The following KAZN variants were observed in gnomAD, a reference collection of about 807,000 sequenced individuals.
KAZN encodes kazrin.
A neutral mutation model predicts 87.4 loss-of-function variants in KAZN; 40 were observed. The ratio of observed to expected loss-of-function variants is 0.46; its 90% confidence interval spans 0.36 to 0.60. The LOEUF is 0.60. Among genes scored for constraint, KAZN ranks in the 20% least tolerant of loss-of-function variants. The pLI, the probability that KAZN is intolerant of heterozygous loss-of-function variation, is 0.00. For synonymous variants in KAZN, 466 were observed against 458.3 expected (o/e 1.02, Z -0.22); for missense variants, 898 against 1,073.9 (o/e 0.84, Z 2.29).
chr1:13,965,476 T>G (rs1641909773), intron 1 of KAZN, among the ~76,000 whole-genome samples: 1 of 152,162 alleles, frequency 6.6e-6, no homozygotes, highest in Admixed American at 6.5e-5. Flanking sequence ...AGGTGGGTGC[T>G]TTTAATAATT....
At chr1:15,035,894 T>C (rs1025955444) in intron 3 of KAZN, among the ~76,000 whole-genome samples, 2 of 152,036 alleles carry the variant, frequency 1.3e-5, no homozygotes, top group African/African-American at 4.8e-5. Flanking sequence ...GGTGTTCAGC[T>C]CGAGGCCCCT....
intron 1 of KAZN, among the ~76,000 whole-genome samples, chr1:14,674,010 C>T (rs918415670): frequency 4.6e-5 from 7 of 152,108 alleles, no homozygotes; most frequent in African/African-American, 9.7e-5. Context: ...TTTGTAAGCA[C>T]GTTGAAATTC....
intron 2 of KAZN, chr1:14,222,962 A>T (rs1036932253): frequency 1.3e-5 from 2 of 152,176 alleles, no homozygotes; most frequent in Admixed American, 6.6e-5. Flanking sequence ...TTTTAAATAG[A>T]TAGGTTTAAA....
At chr1:14,904,123 C>G (rs1288949725) in intron 1 of KAZN, among the ~76,000 whole-genome samples, 1 of 152,116 alleles carries the variant, frequency 6.6e-6, no homozygotes, top group African/African-American at 2.4e-5. Context: ...ACGTTCCAAC[C>G]TCAGCTCAGC....
chr1:15,089,954 T>C (rs1640457249), intron 8 of KAZN, among the ~76,000 whole-genome samples: 1 of 152,164 alleles, frequency 6.6e-6, no homozygotes, highest in Non-Finnish European at 1.5e-5. Flanking sequence ...GAGACAGTCC[T>C]TATCTCAAAC....
At chr1:15,035,091 A>C (rs1672125290) in intron 3 of KAZN, among the ~76,000 whole-genome samples, 1 of 151,698 alleles carries the variant, frequency 6.6e-6, no homozygotes, top group African/African-American at 2.4e-5. Context: ...CAAACAGGAC[A>C]GCGTGGACTC....
Position 13,899,185 on chromosome 1 carries a change from T to G in KAZN, c.91+5429T>G, listed in dbSNP as rs77228019. ...TTCGCCATGGCGAACTGCTGGCAAT[T>G]GGGCACAACCATAGGTGGCACTTAT... is the stretch of plus-strand genomic sequence containing the variant. On this transcript the variant is annotated intron_variant, in intron 1 of 16. Transcript: ENST00000636203. Among the ~76,000 whole-genome samples the G allele has an allele frequency of 5.7e-3, 864 of 152,368 alleles. 11 individuals carry two copies. The highest frequency in any genetic ancestry group is 0.02 in the African/African-American group (832 of 41,590).
chr1:14,260,836 G>A (rs572165833), intron 2 of KAZN, among the ~76,000 whole-genome samples: 1 of 152,322 alleles, frequency 6.6e-6, no homozygotes, highest in Non-Finnish European at 1.5e-5. Context: ...GGCTCAAAGC[G>A]GTTAAGTCGC....
At chr1:14,212,927 A>T (rs1477452434) in intron 2 of KAZN, among the ~76,000 whole-genome samples, 1 of 152,222 alleles carries the variant, frequency 6.6e-6, no homozygotes, top group Non-Finnish European at 1.5e-5. Flanking sequence ...CCAATGATTC[A>T]CTTTACACTG....
rs549092023 is a variant in KAZN, at chr1:14,251,643, C to CTTTTTTTTTTT, written c.249+71066_249+71076dup. On this transcript the variant is annotated intron_variant, in intron 2 of 16. Coordinates refer to the KAZN transcript ENST00000636203. ...AGGCACAGTGAAAAGTTCTCCCGGA[C>CTTTTTTTTTTT]TTTTTTTTTTTTTTTTTTTTTTTTT... Among the ~76,000 whole-genome samples, 237 of 90,336 alleles carry CTTTTTTTTTTT rather than the reference C, an allele frequency of 2.6e-3. 14 individuals carry two copies. Among genetic ancestry groups the CTTTTTTTTTTT allele is most frequent in the Non-Finnish European group, 3.8e-3 (197 of 51,802 alleles). The allele number at this position is 90,336 out of a possible 152,430, so 59.3% of individuals were successfully genotyped here.
chr1:13,938,296 A>G (rs995461925), intron 1 of KAZN, among the ~76,000 whole-genome samples: 1 of 152,080 alleles, frequency 6.6e-6, no homozygotes, highest in African/African-American at 2.4e-5. Context: ...TATAAATGGG[A>G]ATGAGTTCTT....
At position 14,313,840 on chromosome 1, in the gene KAZN, T is replaced by A. The variant is rs371860290; in HGVS notation, c.249+133248T>A. 5.3e-5 allele frequency among the ~76,000 whole-genome samples: 8 copies of A among 152,222 alleles called. No individual in the cohort carries two copies. The East Asian group carries it at 1.5e-3, about 29-fold the overall frequency. On this transcript the variant is annotated intron_variant, in intron 2 of 16. Transcript: ENST00000636203. The stretch of plus-strand genomic sequence containing the variant: ...GGCCACATGGGATAGTGGGATATTA[T>A]GAAATGAAATAAATAATAAATAGGA...
intron 1 of KAZN, among the ~76,000 whole-genome samples, chr1:14,623,680 G>A (rs1678889449): frequency 6.6e-6 from 1 of 152,146 alleles, no homozygotes; most frequent in Non-Finnish European, 1.5e-5. Flanking sequence ...TAGGTGTTTA[G>A]TGCCATGAAA....
intron 2 of KAZN, among the ~76,000 whole-genome samples, chr1:14,567,489 A>G (rs1462836543): frequency 1.3e-5 from 2 of 152,202 alleles, no homozygotes; most frequent in African/African-American, 2.4e-5. Flanking sequence ...TAGCACCAAT[A>G]GACTTACTCA....
intron 2 of KAZN, among the ~76,000 whole-genome samples, chr1:14,245,844 A>G (rs546133782): frequency 6.4e-4 from 97 of 152,332 alleles, no homozygotes; most frequent in Non-Finnish European, 6.3e-4. Context: ...TACCCAAAGG[A>G]ATAGAAATCA....
chr1:14,073,849 G>A (rs558921484), intron 1 of KAZN, among the ~76,000 whole-genome samples: 3 of 152,236 alleles, frequency 2.0e-5, no homozygotes, highest in Admixed American at 2.0e-4. Flanking sequence ...GAACAGTGCC[G>A]CAATAAACAT....
chr1:14,919,021 GC>G (rs1658208242), intron 1 of KAZN, among the ~76,000 whole-genome samples: 1 of 151,920 alleles, frequency 6.6e-6, no homozygotes, highest in Non-Finnish European at 1.5e-5. Flanking sequence ...ATCACTACCA[GC>G]GACACACACA....
At chr1:14,344,408 T>C (rs1194006474) in intron 2 of KAZN, among the ~76,000 whole-genome samples, 1 of 152,144 alleles carries the variant, frequency 6.6e-6, no homozygotes, top group Admixed American at 6.5e-5. Flanking sequence ...AAATAAAATA[T>C]GCTAATTCCA....
intron 1 of KAZN, among the ~76,000 whole-genome samples, chr1:14,103,189 G>T (rs900926658): frequency 1.3e-5 from 2 of 152,132 alleles, no homozygotes; most frequent in Admixed American, 6.5e-5. Context: ...TCAAAGTGCC[G>T]GGATTACAGG....
Sources: allele counts gnomAD v4.1 joint callset (sites outside exome capture counted in the v4.1 genomes callset), GRCh38; gene constraint gnomAD v4.1.1; transcripts MANE v1.5; gene names NCBI Gene and HGNC (gene_info 2026-07-23, HGNC 2026-07-21).